TBX15: variants seen among roughly 807,000 people sequenced by gnomAD.
TBX15 encodes the protein T-box transcription factor TBX15.
Under a neutral mutation model 53.9 loss-of-function variants are expected in TBX15, and 18 were observed. The observed-to-expected ratio is 0.33, with a 90% CI of 0.23 to 0.49. The LOEUF (loss-of-function observed/expected upper bound fraction) is 0.49. Ranked by LOEUF, TBX15 falls within the 20% of genes least tolerant of loss-of-function variation. The probability of loss-of-function intolerance (pLI) is 0.98; values close to 1 mark genes in which losing one functional copy is unlikely to be tolerated. For missense variants in TBX15, 692 were observed against 749.5 expected, an observed-to-expected ratio of 0.92 and a Z score of 0.90; for synonymous variants, 295 against 278.0, an observed-to-expected ratio of 1.06 and a Z score of -0.61.
At chr1:118,945,637 T>C (rs1280466010) in intron 1 of TBX15, among the ~76,000 whole-genome samples, 1 of 152,220 alleles carries the variant, frequency 6.6e-6, no homozygotes, top group Non-Finnish European at 1.5e-5. Context: ...ACTCAGAGAA[T>C]GTGGTTTTAG....
intron 7 of TBX15, among the ~76,000 whole-genome samples, chr1:118,889,803 A>T (rs538972691): frequency 2.3e-5 from 1 of 43,258 alleles, no homozygotes; most frequent in African/African-American, 1.8e-4. Context: ...GCATTAATTT[A>T]AAAAAAAAAA....
At chr1:118,970,516 T>A (rs566933632) in intron 1 of TBX15, among the ~76,000 whole-genome samples, 1 of 152,240 alleles carries the variant, frequency 6.6e-6, no homozygotes, top group Non-Finnish European at 1.5e-5. Context: ...AGTCAGAACA[T>A]CTCTTTCCAA....
chr1:118,974,094 C>T (rs1657340237), intron 1 of TBX15, among the ~76,000 whole-genome samples: 1 of 152,206 alleles, frequency 6.6e-6, no homozygotes, highest in South Asian at 2.1e-4. Context: ...TGTGATAGAT[C>T]TGATGGATGA....
chr1:118,922,540 AGAAATTAATAC>A (rs1655457775), intron 5 of TBX15, among the ~76,000 whole-genome samples: 1 of 152,210 alleles, frequency 6.6e-6, no homozygotes, highest in African/African-American at 2.4e-5. Context: ...ACAAGTTGAA[AGAAATTAATAC>A]CACACAATGT....
intron 1 of TBX15, among the ~76,000 whole-genome samples, chr1:118,962,523 T>C (rs1167374442): frequency 1.3e-5 from 2 of 152,144 alleles, no homozygotes; most frequent in African/African-American, 4.8e-5. Context: ...ATATCCTAGA[T>C]GGACAAGTGG....
chr1:118,974,145 CTCTGCCACAT>C (rs944210485), intron 1 of TBX15, among the ~76,000 whole-genome samples: 1 of 152,184 alleles, frequency 6.6e-6, no homozygotes, highest in African/African-American at 2.4e-5. Flanking sequence ...TCATCTCATC[CTCTGCCACAT>C]TCTATATTTC....
intron 1 of TBX15, among the ~76,000 whole-genome samples, chr1:118,940,046 T>G (rs1656118268): frequency 6.6e-6 from 1 of 151,904 alleles, no homozygotes; most frequent in Non-Finnish European, 1.5e-5. Flanking sequence ...GCTCTTTTCA[T>G]TATACTCTGT....
chr1:118,971,450 C>T (rs977651996), intron 1 of TBX15, among the ~76,000 whole-genome samples: 1 of 152,118 alleles, frequency 6.6e-6, no homozygotes, highest in Admixed American at 6.5e-5. Context: ...TGACAACCAC[C>T]AATTCAGTTT....
At chr1:118,925,123 C>T (rs2101596281) in intron 3 of TBX15, among the ~76,000 whole-genome samples, 1 of 152,334 alleles carries the variant, frequency 6.6e-6, no homozygotes, top group East Asian at 1.9e-4. Context: ...TCTTCCCTCT[C>T]TCCATGCCGT....
At chr1:118,975,098 G>A (rs1019911536) in intron 1 of TBX15, among the ~76,000 whole-genome samples, 5 of 152,172 alleles carry the variant, frequency 3.3e-5, no homozygotes, top group African/African-American at 7.2e-5. Flanking sequence ...GTTTTCCCCC[G>A]AATTTCACTG....
chr1:118,983,379 C>A (rs1453269251), intron 1 of TBX15, among the ~76,000 whole-genome samples: 3 of 152,136 alleles, frequency 2.0e-5, no homozygotes, highest in African/African-American at 7.2e-5. Context: ...GCGCCGGGGC[C>A]GGAGTTTTAC....
intron 7 of TBX15, among the ~76,000 whole-genome samples, chr1:118,896,644 A>G (rs1278175894): frequency 6.6e-6 from 1 of 152,188 alleles, no homozygotes; most frequent in Non-Finnish European, 1.5e-5. Flanking sequence ...ACCTCATTAA[A>G]AGGGAATTGC....
At chr1:118,906,602 T>C (rs572632176) in intron 6 of TBX15, among the ~76,000 whole-genome samples, 1 of 152,278 alleles carries the variant, frequency 6.6e-6, no homozygotes, top group East Asian at 1.9e-4. Context: ...GAGGGGGTCA[T>C]GGGAAAGTTC....
chr1:118,939,437 C>CAAAAAAA (rs869077887), intron 1 of TBX15, among the ~76,000 whole-genome samples: 2 of 84,678 alleles, frequency 2.4e-5, no homozygotes, highest in Non-Finnish European at 4.3e-5. Context: ...AAAAAAAAAA[C>CAAAAAAA]AAAAACAGGA....
chr1:118,973,150 A>G (rs994861883), intron 1 of TBX15, among the ~76,000 whole-genome samples: 1 of 152,188 alleles, frequency 6.6e-6, no homozygotes, highest in African/African-American at 2.4e-5. Context: ...CTCTGCAGCA[A>G]TATTATTGCC....
chr1:118,965,230 C>G (rs1657001048), intron 1 of TBX15, among the ~76,000 whole-genome samples: 1 of 152,106 alleles, frequency 6.6e-6, no homozygotes, highest in Non-Finnish European at 1.5e-5. Context: ...AACAGGGAAG[C>G]CTGAGATATC....
At chr1:118,958,136 C>T (rs1351416994) in intron 1 of TBX15, among the ~76,000 whole-genome samples, 1 of 152,188 alleles carries the variant, frequency 6.6e-6, no homozygotes, top group Non-Finnish European at 1.5e-5. Flanking sequence ...TCCAATGTGG[C>T]AGTTTTTGGA....
At chr1:118,921,905 G>A (rs553938783) in intron 5 of TBX15, among the ~76,000 whole-genome samples, 1 of 152,292 alleles carries the variant, frequency 6.6e-6, no homozygotes, top group African/African-American at 2.4e-5. Flanking sequence ...AACACAGTAA[G>A]AGGTGAAAAT....
At chr1:118,901,760 T>G (rs1408166242) in intron 6 of TBX15, among the ~76,000 whole-genome samples, 1 of 152,166 alleles carries the variant, frequency 6.6e-6, no homozygotes. Context: ...TGATCTGATA[T>G]AACTTTCACC....
Sources: gnomAD v4.1 joint callset for allele counts (sites outside exome capture counted in the v4.1 genomes callset) on GRCh38, gnomAD v4.1.1 for gene constraint, MANE v1.5 for transcripts, NCBI Gene and HGNC (gene_info 2026-07-23, HGNC 2026-07-21) for gene names.